The following ALOX12B variants were observed in gnomAD, a reference collection of about 807,000 sequenced individuals.
ALOX12B encodes arachidonate 12-lipoxygenase, 12R-type.
Under a neutral mutation model 78.9 loss-of-function variants are expected in ALOX12B, and 47 were observed. That is an observed-to-expected ratio of 0.60 (90% CI 0.47 to 0.76). The LOEUF is 0.76. Among genes scored for constraint, ALOX12B ranks in the 30% least tolerant of loss-of-function variants. The probability of loss-of-function intolerance (pLI) is 0.00; values close to 1 mark genes in which losing one functional copy is unlikely to be tolerated. For synonymous variants in ALOX12B, 370 were observed against 374.5 expected (o/e 0.99, Z 0.14); for missense variants, 805 against 922.6 (o/e 0.87, Z 1.65).
intron 2 of ALOX12B, among the ~76,000 whole-genome samples, chr17:8,082,523 T>C (rs779890538): frequency 6.6e-6 from 1 of 152,252 alleles, no homozygotes; most frequent in Non-Finnish European, 1.5e-5. Flanking sequence ...TAGTTAAGCC[T>C]GTTCCCACTA....
Position 8,075,579 on chromosome 17 carries a change from G to T in ALOX12B, c.1654+16C>A. The T allele has an allele frequency of 6.2e-7, 1 of 1,613,862 alleles. No homozygotes were observed. The highest frequency in any genetic ancestry group is 8.5e-7 in the Non-Finnish European group (1 of 1,179,990). ...GTCCCAGCTCCCCCTGATTGCCCAG[G>T]TGTCCAGGCCCATACCTGAGCTCTC... On this transcript the variant is annotated intron_variant, in intron 12 of 14. Transcript: ENST00000647874.
intron 12 of ALOX12B, 150 bp downstream of exon 12, chr17:8,075,445 G>A: frequency 7.8e-7 from 1 of 1,279,708 alleles, no homozygotes; most frequent in Non-Finnish European, 1.1e-6. Flanking sequence ...CCAGAGAAGA[G>A]CCTGTCAAAA....
intron 2 of ALOX12B, 61 bp from the exon 3 acceptor site, chr17:8,081,248 G>C: frequency 6.4e-7 from 1 of 1,557,154 alleles, no homozygotes; most frequent in Non-Finnish European, 8.9e-7. Flanking sequence ...ACTTCAGGAA[G>C]CAGGAGTTCA....
chr17:8,086,451 CCTT>C (rs1298482302), intron 1 of ALOX12B, among the ~76,000 whole-genome samples: 1 of 152,194 alleles, frequency 6.6e-6, no homozygotes, highest in Non-Finnish European at 1.5e-5. Flanking sequence ...TCCAGCCCCT[CCTT>C]CTCTCCATCC....
chr17:8,087,229 C>T (rs1490473955), intron 1 of ALOX12B, 67 bp downstream of exon 1: 21 of 905,366 alleles, frequency 2.3e-5, no homozygotes, highest in Non-Finnish European at 2.9e-5. Flanking sequence ...CACACACAGA[C>T]ACACACAGAC....
Position 8,079,709 on chromosome 17 carries a change from G to A in ALOX12B, c.927+60C>T, listed in dbSNP as rs944423774. 45 of 1,571,148 alleles carry A rather than the reference G, an allele frequency of 2.9e-5. 1 individual carries two copies. In the Admixed American group the frequency reaches 4.3e-4, roughly 15 times the overall value. ...GCGGGCGCCGGAGGTGGGGAGAGAC[G>A]GGGATGCCCGCGAGGGAGGCCGGGA... On this transcript the variant is annotated intron_variant, in intron 7 of 14. Coordinates refer to ENST00000647874, the MANE Select transcript of ALOX12B (RefSeq NM_001139.3). This position sits in a 1 kb window ranked among gnomAD's most constrained non-coding sequence, Gnocchi z 6.4.
In ALOX12B at chr17:8,086,025, C is replaced by T. The variant is rs778654200; in HGVS notation, c.343G>A (p.Glu115Lys). ...GGTGATGAGGGCTTACCTGTGGCCT[C>T]CCGGAGTGCCAGGGTCTCGTAGCCA... ...MDGYETLALR[E>K]ATGKTTADDS... The change falls in exon 2 of 15, where the codon GAG (glutamate) becomes AAG (lysine). Residue 115 changes from glutamate (E) to lysine (K), a missense_variant. Transcript: ENST00000647874. 1.2e-6 allele frequency: 2 copies of T among 1,614,124 alleles called. No individual in the cohort carries two copies. The highest frequency in any genetic ancestry group is 1.7e-6 in the Non-Finnish European group (2 of 1,180,004).
chr17:8,073,249 G>A lies in ALOX12B; in HGVS notation c.1825C>T (p.Leu609=), dbSNP rs762361604. Residue 609 remains leucine (L), a synonymous_variant, in exon 14 of 15, where the codon CTG becomes TTG. Coordinates refer to ENST00000647874, the MANE Select transcript of ALOX12B (RefSeq NM_001139.3). ...TCCATGAAGGTCTCCAGAGTGGTCA[G>A]CCCCTTAGTCTGAATCGGTGGATTC... ...MRNPPIQTKG[L]TTLETFMDTL... 4 of 1,614,094 alleles carry A rather than the reference G, an allele frequency of 2.5e-6. No individual in the cohort carries two copies. The highest frequency in any genetic ancestry group is 1.7e-5 in the Admixed American group (1 of 60,004).
chr17:8,081,429 C>T (rs1977216033), intron 2 of ALOX12B: 1 of 601,472 alleles, frequency 1.7e-6, no homozygotes, highest in East Asian at 2.9e-5. Flanking sequence ...TGCAAAAAGT[C>T]CCTCCTCTAG....
chr17:8,080,134 C>T lies in ALOX12B; in HGVS notation c.754+101G>A, dbSNP rs1977179825. On this transcript the variant is annotated intron_variant, in intron 6 of 14. Coordinates refer to ENST00000647874, the MANE Select transcript of ALOX12B (RefSeq NM_001139.3). The surrounding 1 kb of genome is among the most constrained non-coding windows in gnomAD (Gnocchi z 4.8). Reference sequence around the variant, plus strand: ...GCCGCCAGAGGGCGCGCGCGCGCCTCGCTGCCTCTCCCGTCCCACTGCCCC... The same window carrying T: ...GCCGCCAGAGGGCGCGCGCGCGCCTTGCTGCCTCTCCCGTCCCACTGCCCC... 6.0e-6 allele frequency: 9 copies of T among 1,488,176 alleles called. No individual in the cohort carries two copies. The highest frequency in any genetic ancestry group is 8.4e-6 in the Non-Finnish European group (9 of 1,066,762). The allele number at this position is 1,488,176 out of a possible 1,614,324, so 92.2% of individuals were successfully genotyped here.
intron 9 of ALOX12B, 40 bp downstream of exon 9, chr17:8,076,950 C>T (rs747354147): frequency 6.3e-7 from 1 of 1,596,410 alleles, no homozygotes; most frequent in Admixed American, 1.7e-5. Flanking sequence ...CAGGTGAGGG[C>T]CATGATGCCT....
intron 1 of ALOX12B, among the ~76,000 whole-genome samples, chr17:8,086,956 A>C (rs1046143997): frequency 9.9e-5 from 15 of 151,978 alleles, no homozygotes; most frequent in African/African-American, 2.9e-4. Flanking sequence ...AGGAAGAGGG[A>C]GAGAGAAGAA....
In ALOX12B at chr17:8,073,525, T is replaced by C. The variant is rs1006025933; in HGVS notation, c.1755+132A>G. 5.6e-6 allele frequency: 6 copies of C among 1,073,234 alleles called. No homozygotes were observed. The African/African-American group carries it at 9.4e-5, about 17-fold the overall frequency. 66.5% of individuals were successfully genotyped at this position (1,073,234 alleles called of 1,614,324 possible). A position where few individuals can be genotyped will look rare whatever the true frequency, so the allele number is the denominator to read the frequency against. Reference sequence around the variant, plus strand: ...GCTGAGGCTCGGTTTCCGTTGGGACTGGAGTTGAAGCTGGAACAAGTTGAG... The same window carrying C: ...GCTGAGGCTCGGTTTCCGTTGGGACCGGAGTTGAAGCTGGAACAAGTTGAG... On this transcript the variant is annotated intron_variant, in intron 13 of 14. Coordinates refer to ENST00000647874, the MANE Select transcript of ALOX12B (RefSeq NM_001139.3).
At chr17:8,084,068 G>T (rs898445720) in intron 2 of ALOX12B, among the ~76,000 whole-genome samples, 2 of 151,768 alleles carry the variant, frequency 1.3e-5, no homozygotes, top group African/African-American at 4.8e-5. Context: ...TGAGGCAGGA[G>T]AATCACTTGA....
At position 8,079,672 on chromosome 17, in the gene ALOX12B, C is replaced by T. The variant is rs1977164569; in HGVS notation, c.927+97G>A. On this transcript the variant is annotated intron_variant, in intron 7 of 14. Transcript: ENST00000647874. This position sits in a 1 kb window ranked among gnomAD's most constrained non-coding sequence, Gnocchi z 6.4. ...GACAGGGACGCGGGGTGCGGGCTTG[C>T]CTGGGACTGGCGCGGGCGCCGGAGG... 4.5e-6 allele frequency: 7 copies of T among 1,541,888 alleles called. No homozygotes were observed. Among genetic ancestry groups the T allele is most frequent in the Non-Finnish European group, 6.1e-6 (7 of 1,142,150 alleles).
rs540847894 is a variant in ALOX12B at position 8,082,504 on chromosome 17, G to A, written c.353-1317C>T. Among the ~76,000 whole-genome samples, 96 of 152,312 alleles carry A rather than the reference G, an allele frequency of 6.3e-4. 1 individual carries two copies. The highest frequency in any genetic ancestry group is 3.4e-3 in the Middle Eastern group (1 of 294). On this transcript the variant is annotated intron_variant, in intron 2 of 14. Transcript: ENST00000647874. ...TGAAACCTGGAAGGTGGACAGACGC[G>A]CAGGCTCCTAGTTAAGCCTGTTCCC...
rs1185299777 is a variant in ALOX12B, at chr17:8,081,156, G to A, written c.384C>T (p.Val128=). Residue 128 remains valine (V), a synonymous_variant, in exon 3 of 15, where the codon GTC becomes GTT. Transcript: ENST00000647874. Reference sequence around the variant, plus strand: ...TCTCCTCTTTTCTGTGCTCCAGGAGGACGGGGAGCGAGTCATCTGCTGTTG... The same window carrying A: ...TCTCCTCTTTTCTGTGCTCCAGGAGAACGGGGAGCGAGTCATCTGCTGTTG... ...GKTTADDSLP[V]LLEHRKEEIR... 1.2e-6 allele frequency: 2 copies of A among 1,613,880 alleles called. No individual in the cohort carries two copies. The highest frequency in any genetic ancestry group is 1.7e-6 in the Non-Finnish European group (2 of 1,180,022).
chr17:8,076,391 AC>A, intron 10 of ALOX12B, 47 bp from the exon 11 acceptor site: 1 of 1,553,714 alleles, frequency 6.4e-7, no homozygotes, highest in Non-Finnish European at 8.7e-7. Context: ...CATCCCTGGA[AC>A]CCCTTCAGGT....
chr17:8,082,810 T>G (rs1288335029), intron 2 of ALOX12B, among the ~76,000 whole-genome samples: 1 of 152,210 alleles, frequency 6.6e-6, no homozygotes, highest in Non-Finnish European at 1.5e-5. Context: ...CACCGGACTT[T>G]GGGTACCCTA....
Sources: allele counts gnomAD v4.1 joint callset (sites outside exome capture counted in the v4.1 genomes callset), GRCh38; gene constraint gnomAD v4.1.1; non-coding constraint Gnocchi (gnomAD v3.1); transcripts MANE v1.5; gene names NCBI Gene and HGNC (gene_info 2026-07-23, HGNC 2026-07-21).